Variants in TNKS observed in about 807,000 individuals in gnomAD.
The protein encoded by TNKS is poly [ADP-ribose] polymerase tankyrase-1.
A neutral mutation model predicts 135.8 loss-of-function variants in TNKS; 72 were observed. That is an observed-to-expected ratio of 0.53 (90% CI 0.44 to 0.64). TNKS has a LOEUF of 0.64. Ranked by LOEUF, TNKS falls within the 30% of genes least tolerant of loss-of-function variation. The pLI is 0.00. For synonymous variants in TNKS, 849 were observed against 649.3 expected, an observed-to-expected ratio of 1.31 and a Z score of -4.68; for missense variants, 1,769 against 1,674.0, an observed-to-expected ratio of 1.06 and a Z score of -0.99.
At chr8:9,680,866 A>ATAT (rs1802752246) in intron 5 of TNKS, 66 bp downstream of exon 5, 1 of 1,221,646 alleles carries the variant, frequency 8.2e-7, no homozygotes, top group Admixed American at 1.7e-5. Flanking sequence ...TGTGGCATAT[A>ATAT]TATATATAAG....
intron 3 of TNKS, among the ~76,000 whole-genome samples, chr8:9,619,561 G>A (rs970547803): frequency 1.3e-5 from 2 of 152,156 alleles, no homozygotes; most frequent in Non-Finnish European, 2.9e-5. Context: ...GGGTTAAGGG[G>A]ATGTGGAAGG....
At chr8:9,602,190 G>C (rs956214119) in intron 2 of TNKS, among the ~76,000 whole-genome samples, 2 of 152,130 alleles carry the variant, frequency 1.3e-5, no homozygotes, top group Non-Finnish European at 2.9e-5. Flanking sequence ...GCAAAAGCCC[G>C]AGCCTGACTA....
At position 9,574,918 on chromosome 8, in the gene TNKS, A is replaced by G. The variant is rs574244126; in HGVS notation, c.674-5241A>G. 37 of 473,476 alleles carry G rather than the reference A, an allele frequency of 7.8e-5. 2 individuals are homozygous for G. The South Asian group carries it at 2.9e-3, about 37-fold the overall frequency. The allele number at this position is 473,476 out of a possible 1,614,324, so 29.3% of individuals were successfully genotyped here. A position where few individuals can be genotyped will look rare whatever the true frequency, so the allele number is the denominator to read the frequency against. On this transcript the variant is annotated intron_variant, in intron 1 of 26. Transcript: ENST00000310430. The stretch of plus-strand genomic sequence containing the variant: ...TCCCTTCTTGTCTGAGAACCTAGAT[A>G]TGAGGCTTAGAAATATAGCACTCTT...
chr8:9,564,505 C>T (rs1183511820), intron 1 of TNKS, among the ~76,000 whole-genome samples: 2 of 152,186 alleles, frequency 1.3e-5, no homozygotes, highest in Non-Finnish European at 2.9e-5. Context: ...TCTGTGATGA[C>T]ATGAGGGAGA....
intron 2 of TNKS, among the ~76,000 whole-genome samples, chr8:9,605,132 G>A (rs73537955): frequency 0.11 from 17,305 of 152,044 alleles, 1,156 homozygotes; most frequent in African/African-American, 0.19. Context: ...TAATACAACA[G>A]TTTTGTTTAC....
chr8:9,760,669 C>G (rs1807104672), intron 20 of TNKS, among the ~76,000 whole-genome samples: 1 of 152,170 alleles, frequency 6.6e-6, no homozygotes, highest in Non-Finnish European at 1.5e-5. Context: ...TACCCGCGTT[C>G]ATCCTGTGTG....
chr8:9,556,596 C>G lies in TNKS; in HGVS notation c.657C>G (p.Pro219=). The G allele has an allele frequency of 6.2e-7, 1 of 1,613,646 alleles. No individual in the cohort carries two copies. The highest frequency in any genetic ancestry group is 8.5e-7 in the Non-Finnish European group (1 of 1,180,036). Reference sequence around the variant, plus strand: ...ACATGGCCGGCCGGAAGTCTTCTCCCCTGCACTTCGCTGCAGGTCAGAGAC... The same window carrying G: ...ACATGGCCGGCCGGAAGTCTTCTCCGCTGCACTTCGCTGCAGGTCAGAGAC... ...AKDMAGRKSS[P]LHFAAGFGRK... is the part of the protein sequence containing the mutation. Residue 219 remains proline (P), a synonymous_variant, in exon 1 of 27, where the codon CCC becomes CCG. Transcript: ENST00000310430.
At chr8:9,611,517 T>A (rs577095828) in intron 2 of TNKS, among the ~76,000 whole-genome samples, 2 of 152,244 alleles carry the variant, frequency 1.3e-5, no homozygotes, top group Non-Finnish European at 2.9e-5. Flanking sequence ...TTTTACAAGA[T>A]AAATTTCTAA....
chr8:9,727,515 T>TG (rs1222140067), intron 13 of TNKS, among the ~76,000 whole-genome samples: 2 of 152,192 alleles, frequency 1.3e-5, no homozygotes, highest in Non-Finnish European at 2.9e-5. Flanking sequence ...GCAATCCTCT[T>TG]GCCTTACCCT....
chr8:9,766,307 T>G lies in TNKS; in HGVS notation c.3622T>G (p.Phe1208Val). 1 of 1,613,962 alleles carries G rather than the reference T, an allele frequency of 6.2e-7. No individual in the cohort carries two copies. The highest frequency in any genetic ancestry group is 8.5e-7 in the Non-Finnish European group (1 of 1,179,964). Residue 1208 changes from phenylalanine to valine, a missense_variant, in exon 25 of 27, where the codon TTT (phenylalanine) becomes GTT (valine). Phe to Val is a conservative substitution (Grantham distance 50, BLOSUM62 -1). Transcript: ENST00000310430. ...DERHAYIGGM[F>V]GAGIYFAENS... ...GCGACATGCATACATAGGAGGAATG[T>G]TTGGGGCCGGGATTTATTTTGCTGA...
chr8:9,730,857 T>C, intron 13 of TNKS, 33 bp from the exon 14 acceptor site: 1 of 1,591,350 alleles, frequency 6.3e-7, no homozygotes, highest in Non-Finnish European at 8.6e-7. Flanking sequence ...TAATGTTCGT[T>C]TTGTGTTTGT....
At chr8:9,768,831 G>T (rs868231550) in intron 25 of TNKS, among the ~76,000 whole-genome samples, 2 of 152,170 alleles carry the variant, frequency 1.3e-5, no homozygotes, top group African/African-American at 4.8e-5. Context: ...AGTAGACCAA[G>T]CCAGCATCCC....
intron 3 of TNKS, among the ~76,000 whole-genome samples, chr8:9,623,875 G>A (rs781348166): frequency 6.6e-6 from 1 of 151,998 alleles, no homozygotes; most frequent in Non-Finnish European, 1.5e-5. Context: ...GGTGGTGGGC[G>A]CCTGTAATCC....
At chr8:9,760,367 G>A (rs555567228) in intron 20 of TNKS, among the ~76,000 whole-genome samples, 3 of 152,264 alleles carry the variant, frequency 2.0e-5, no homozygotes, top group South Asian at 4.1e-4. Context: ...TCCAAAGAAC[G>A]AGTGATATAT....
At chr8:9,724,986 T>G (rs75800483) in intron 12 of TNKS, among the ~76,000 whole-genome samples, 4 of 14,652 alleles carry the variant, frequency 2.7e-4, no homozygotes, top group Non-Finnish European at 9.3e-4. Context: ...AATTGTCTCT[T>G]TATTTTGTTG....
chr8:9,589,727 G>T (rs1277458538), intron 2 of TNKS, among the ~76,000 whole-genome samples: 1 of 152,244 alleles, frequency 6.6e-6, no homozygotes, highest in African/African-American at 2.4e-5. Context: ...GAGCCACGTG[G>T]GTGAGGAAGA....
At chr8:9,700,600 T>G (rs1236393914) in intron 5 of TNKS, among the ~76,000 whole-genome samples, 1 of 102,192 alleles carries the variant, frequency 9.8e-6, no homozygotes, top group Non-Finnish European at 2.1e-5. Flanking sequence ...TCCTTTCCCT[T>G]ACACTCCCTT....
intron 3 of TNKS, among the ~76,000 whole-genome samples, chr8:9,648,646 C>G (rs1044724466): frequency 6.6e-6 from 1 of 152,172 alleles, no homozygotes; most frequent in African/African-American, 2.4e-5. Context: ...ACCAGCATCA[C>G]TACAAACGTG....
At chr8:9,723,481 G>GTTTACATTAATAAAGT (rs1167253220) in intron 12 of TNKS, among the ~76,000 whole-genome samples, 1 of 152,110 alleles carries the variant, frequency 6.6e-6, no homozygotes, top group African/African-American at 2.4e-5. Flanking sequence ...GTTGCCAGAA[G>GTTTACATTAATAAAGT]TTTACATTAA....
Sources: gnomAD v4.1 joint callset for allele counts (sites outside exome capture counted in the v4.1 genomes callset) on GRCh38, gnomAD v4.1.1 for gene constraint, MANE v1.5 for transcripts, NCBI Gene and HGNC (gene_info 2026-07-23, HGNC 2026-07-21) for gene names.